Variants in DCTN1 observed in about 807,000 individuals in gnomAD.
DCTN1 encodes the protein 150 kDa dynein-associated polypeptide.
In DCTN1, 61 loss-of-function variants were observed where a neutral mutation model predicts 161.2. That is an observed-to-expected ratio of 0.38 (90% CI 0.31 to 0.47). The LOEUF is 0.47. Ranked by LOEUF, DCTN1 falls within the 20% of genes least tolerant of loss-of-function variation. The pLI is 0.99. For synonymous variants in DCTN1, 653 were observed against 632.4 expected (o/e 1.03, Z -0.49); for missense variants, 1,404 against 1,623.7 (o/e 0.86, Z 2.33).
upstream of DCTN1, among the ~76,000 whole-genome samples, chr2:74,381,549 A>G (rs1675511146): frequency 6.6e-6 from 1 of 152,226 alleles, no homozygotes; most frequent in Admixed American, 6.5e-5. Context: ...CCTATTCGCC[A>G]TTACACAGGT....
intron 24 of DCTN1, 59 bp from the exon 25 acceptor site, chr2:74,365,716 G>C: frequency 6.2e-7 from 1 of 1,613,466 alleles, no homozygotes; most frequent in Non-Finnish European, 8.5e-7. Flanking sequence ...CTGGAAACTG[G>C]GGGCTAGACC....
At position 74,380,064 on chromosome 2, in the gene DCTN1, C is replaced by T; in HGVS notation, c.-27G>A. ...TTGCTCACCCGGCCTCTACCCCCTCCCCCAGCTGGCCAAAGACAGAGAGAA... is the reference window on the plus strand; with the variant it reads ...TTGCTCACCCGGCCTCTACCCCCTCTCCCAGCTGGCCAAAGACAGAGAGAA... On this transcript the variant is annotated 5_prime_UTR_variant, in exon 1 of 32. Transcript: ENST00000628224. The T allele has an allele frequency of 6.2e-7, 1 of 1,613,832 alleles. No individual in the cohort carries two copies. Among genetic ancestry groups the T allele is most frequent in the South Asian group, 1.1e-5 (1 of 91,080 alleles).
In DCTN1 at chr2:74,370,173, GGGCTCCCC is replaced by G. The variant is rs1415946504; in HGVS notation, c.1287+5_1287+12del. 6.2e-7 allele frequency: 1 copy of G among 1,613,528 alleles called. No individual in the cohort carries two copies. The highest frequency in any genetic ancestry group is 1.3e-5 in the African/African-American group (1 of 74,924). On this transcript the variant is annotated splice_donor_5th_base_variant and intron_variant, in intron 12 of 31. Transcript: ENST00000628224. This position sits in a 1 kb window ranked among gnomAD's most constrained non-coding sequence, Gnocchi z 4.4. ...GGTGGGGGATTCTGGGTGAGGGGCT[GGGCTCCCC>G]AGACCTGCTCCTTGAGCTCATCAAT...
intron 30 of DCTN1, 47 bp from the exon 31 acceptor site, chr2:74,362,188 C>T: frequency 6.4e-7 from 1 of 1,565,118 alleles, no homozygotes; most frequent in Non-Finnish European, 8.8e-7. Flanking sequence ...GGGACCCCCA[C>T]AGGCTAGCAC....
At chr2:74,361,711 A>G in intron 31 of DCTN1, 75 bp from the exon 32 acceptor site, 3 of 1,598,012 alleles carry the variant, frequency 1.9e-6, no homozygotes, top group Non-Finnish European at 2.6e-6. Context: ...GGGGTCCCTG[A>G]GCACTGAGAC....
intron 25 of DCTN1, 23 bp from the exon 26 acceptor site, chr2:74,365,264 T>C (rs1308310134): frequency 6.2e-7 from 1 of 1,613,960 alleles, no homozygotes; most frequent in Non-Finnish European, 8.5e-7. Flanking sequence ...ATCTGGGCTT[T>C]GGCAGTGTCC....
chr2:74,376,709 C>A (rs1469343415), intron 5 of DCTN1, 33 bp downstream of exon 5: 3 of 1,592,958 alleles, frequency 1.9e-6, no homozygotes, highest in African/African-American at 2.7e-5. Context: ...TCATGGCCCC[C>A]ATCCACCCAG....
chr2:74,361,651 G>A lies in DCTN1; in HGVS notation c.3700-15C>T, dbSNP rs1476911030. ...TCCTCCTTGGCCTGGTGGTTGATGAGGAGAAAAAGACTCCAGGTCAGGGGC... is the reference window on the plus strand; with the variant it reads ...TCCTCCTTGGCCTGGTGGTTGATGAAGAGAAAAAGACTCCAGGTCAGGGGC... On this transcript the variant is annotated splice_polypyrimidine_tract_variant and intron_variant, in intron 31 of 31. Coordinates refer to ENST00000628224, the MANE Select transcript of DCTN1 (RefSeq NM_004082.5). 1.2e-6 allele frequency: 2 copies of A among 1,614,120 alleles called. No individual in the cohort carries two copies. Among genetic ancestry groups the A allele is most frequent in the Non-Finnish European group, 1.7e-6 (2 of 1,180,012 alleles).
In DCTN1 at chr2:74,367,051, G is replaced by A; in HGVS notation, c.2310C>T (p.Phe770=). ...MSVEVGRLRA[F]LQGGQEATDI... Reference sequence around the variant, plus strand: ...GATCTAGATGTGTTCTCACCTGCAAGAAGGCACGCAGCCGTCCTACCTCCA... The same window carrying A: ...GATCTAGATGTGTTCTCACCTGCAAAAAGGCACGCAGCCGTCCTACCTCCA... The change falls in exon 20 of 32, where the codon TTC becomes TTT. Residue 770 remains phenylalanine, a synonymous_variant. Transcript: ENST00000628224. The A allele has an allele frequency of 6.2e-7, 1 of 1,614,248 alleles. No individual in the cohort carries two copies. The highest frequency in any genetic ancestry group is 8.5e-7 in the Non-Finnish European group (1 of 1,180,048).
chr2:74,388,271 G>A (rs940531666), intron 1 of DCTN1, among the ~76,000 whole-genome samples: 7 of 151,838 alleles, frequency 4.6e-5, no homozygotes, highest in African/African-American at 1.7e-4. Flanking sequence ...TCAGGAGGCT[G>A]AGGGGGATCA....
At position 74,367,791 on chromosome 2, in the gene DCTN1, G is replaced by C; in HGVS notation, c.2089C>G (p.Arg697Gly). ...SLYPEMSAHE[R>G]SLDFLIELLH... Reference sequence around the variant, plus strand: ...AGTTCAATGAGGAAATCCAAGGAGCGCTCATGGGCACTCATCTCAGGGTAC... The same window carrying C: ...AGTTCAATGAGGAAATCCAAGGAGCCCTCATGGGCACTCATCTCAGGGTAC... The change falls in exon 18 of 32, where the codon CGC becomes GGC. Residue 697 changes from arginine (R) to glycine (G), a missense_variant. Coordinates refer to ENST00000628224, the MANE Select transcript of DCTN1 (RefSeq NM_004082.5). 6.2e-7 allele frequency: 1 copy of C among 1,614,118 alleles called. No individual in the cohort carries two copies. Among genetic ancestry groups the C allele is most frequent in the East Asian group, 2.2e-5 (1 of 44,882 alleles).
intron 25 of DCTN1, 74 bp downstream of exon 25, chr2:74,365,441 G>C (rs1310092949): frequency 1.2e-6 from 2 of 1,608,208 alleles, no homozygotes; most frequent in African/African-American, 2.7e-5. Flanking sequence ...CTGAGTAGGG[G>C]TATGGGTTAG....
chr2:74,390,571 C>A (rs1156325085), intron 1 of DCTN1: 6 of 437,588 alleles, frequency 1.4e-5, no homozygotes, highest in African/African-American at 1.0e-4. Context: ...ATCTTGTAGT[C>A]CAGACTCCTA....
chr2:74,372,734 C>A (rs1374135970), intron 7 of DCTN1, among the ~76,000 whole-genome samples, 194 bp downstream of exon 7: 1 of 152,250 alleles, frequency 6.6e-6, no homozygotes, highest in Non-Finnish European at 1.5e-5. Context: ...CTTAGACAAC[C>A]TCCTAAAAGC....
intron 5 of DCTN1, among the ~76,000 whole-genome samples, chr2:74,376,447 T>C (rs1054991383): frequency 1.3e-5 from 2 of 152,200 alleles, no homozygotes; most frequent in African/African-American, 4.8e-5. Context: ...AAATGATCTA[T>C]TTCACACTGC....
At position 74,377,434 on chromosome 2, in the gene DCTN1, G is replaced by C. The variant is rs1675288967; in HGVS notation, c.391C>G (p.Leu131Val). ...GTDTTAKTSKLRGLKPKKAPT... is the reference protein window; with the variant it reads ...GTDTTAKTSKVRGLKPKKAPT... Reference sequence around the variant, plus strand: ...ATTCCCACCCCCAAATCACTCACCAGTTTGCTAGTCTTTGCAGTTGTATCA... The same window carrying C: ...ATTCCCACCCCCAAATCACTCACCACTTTGCTAGTCTTTGCAGTTGTATCA... Residue 131 changes from leucine to valine, a missense_variant and splice_region_variant, in exon 4 of 32, where the codon CTG becomes GTG. By Grantham distance (32) the Leu-to-Val change is conservative. This residue lies in a region of DCTN1 where 174 missense variants were observed against 175.6 expected (regional missense o/e 0.99). Coordinates refer to ENST00000628224, the MANE Select transcript of DCTN1 (RefSeq NM_004082.5). 1.9e-6 allele frequency: 3 copies of C among 1,613,096 alleles called. No individual in the cohort carries two copies. The South Asian group carries it at 3.3e-5, about 18-fold the overall frequency.
At chr2:74,388,990 A>ACGGC (rs1302046672) in intron 1 of DCTN1, among the ~76,000 whole-genome samples, 2 of 152,206 alleles carry the variant, frequency 1.3e-5, no homozygotes, top group Non-Finnish European at 2.9e-5. Context: ...AAGTGCAGGA[A>ACGGC]CAGCCCTAGG....
At chr2:74,363,991 T>C (rs1257157284) in intron 26 of DCTN1, 4 of 374,674 alleles carry the variant, frequency 1.1e-5, no homozygotes, top group African/African-American at 4.1e-5. Context: ...CCAATATGTC[T>C]GCACCCTTAG....
chr2:74,370,147 A>T lies in DCTN1; in HGVS notation c.1287+39T>A. ...GGAGGCATCAACTGATAGGAGAGTC[A>T]GGTGGGGGATTCTGGGTGAGGGGCT... On this transcript the variant is annotated intron_variant, in intron 12 of 31. Transcript: ENST00000628224. The surrounding 1 kb of genome is among the most constrained non-coding windows in gnomAD (Gnocchi z 4.4). The T allele has an allele frequency of 6.2e-7, 1 of 1,613,864 alleles. No individual in the cohort carries two copies. Among genetic ancestry groups the T allele is most frequent in the Non-Finnish European group, 8.5e-7 (1 of 1,180,022 alleles).
Sources: gnomAD v4.1 joint callset for allele counts (sites outside exome capture counted in the v4.1 genomes callset) on GRCh38, gnomAD v4.1.1 for gene constraint, gnomAD v4.1.1 regional missense constraint, Gnocchi (gnomAD v3.1) non-coding constraint, MANE v1.5 for transcripts, NCBI Gene and HGNC (gene_info 2026-07-23, HGNC 2026-07-21) for gene names.